Variants in ULK4 observed in about 807,000 individuals in gnomAD.
ULK4 encodes unc-51 like kinase 4.
A neutral mutation model predicts 160.6 loss-of-function variants in ULK4; 133 were observed. The ratio of observed to expected loss-of-function variants is 0.83; its 90% CI spans 0.72 to 0.96. The LOEUF (loss-of-function observed/expected upper bound fraction) is 0.96, where lower values mean the gene tolerates loss of function less well. Ranked by LOEUF, ULK4 falls within the 40% of genes least tolerant of loss-of-function variation. The probability of loss-of-function intolerance (pLI) is 0.00; values close to 1 mark genes in which losing one functional copy is unlikely to be tolerated. For missense variants in ULK4, 1,580 were observed against 1,499.5 expected (o/e 1.05, Z -0.89); for synonymous variants, 534 against 539.8 (o/e 0.99, Z 0.15).
chr3:41,641,621 A>G (rs1042850581), intron 30 of ULK4, among the ~76,000 whole-genome samples: 1 of 152,178 alleles, frequency 6.6e-6, no homozygotes, highest in South Asian at 2.1e-4. Flanking sequence ...CTGGCCCTAA[A>G]GCCTGGAAGA....
intron 32 of ULK4, among the ~76,000 whole-genome samples, chr3:41,555,319 C>CA (rs35693207): frequency 0.5 from 69,995 of 140,258 alleles, 16,739 homozygotes; most frequent in Admixed American, 0.56. Context: ...AACAAATGTA[C>CA]AAAAAAAAAA....
At chr3:41,807,439 C>T (rs1405435301) in intron 19 of ULK4, among the ~76,000 whole-genome samples, 2 of 152,018 alleles carry the variant, frequency 1.3e-5, no homozygotes, top group Admixed American at 6.6e-5. Context: ...CATATAAAAA[C>T]GTTTACAAAT....
At chr3:41,674,111 C>G (rs1468475201) in intron 29 of ULK4, among the ~76,000 whole-genome samples, 1 of 152,178 alleles carries the variant, frequency 6.6e-6, no homozygotes, top group Non-Finnish European at 1.5e-5. Flanking sequence ...AGTACTAATA[C>G]AAATTATATT....
chr3:41,392,635 C>T (rs1257248105), intron 35 of ULK4, among the ~76,000 whole-genome samples: 1 of 152,128 alleles, frequency 6.6e-6, no homozygotes, highest in African/African-American at 2.4e-5. Context: ...CAGGAGGCTA[C>T]TCTTCCCATC....
chr3:41,354,218 G>A (rs960300036), intron 35 of ULK4, among the ~76,000 whole-genome samples: 6 of 152,136 alleles, frequency 3.9e-5, no homozygotes, highest in African/African-American at 1.4e-4. Flanking sequence ...GTTCATTGTT[G>A]ACCACTCTGT....
chr3:41,381,419 C>T (rs76052068), intron 35 of ULK4, among the ~76,000 whole-genome samples: 2 of 152,292 alleles, frequency 1.3e-5, no homozygotes, highest in East Asian at 3.9e-4. Flanking sequence ...GCTAGCTTGC[C>T]ATTTCCAGAT....
intron 26 of ULK4, 22 bp downstream of exon 26, chr3:41,705,232 A>G (rs2036832883): frequency 3.7e-6 from 6 of 1,613,408 alleles, no homozygotes; most frequent in Non-Finnish European, 5.1e-6. Flanking sequence ...CAAAGACACA[A>G]AATGTTCCAG....
chr3:41,506,427 T>G (rs976545395), intron 32 of ULK4, among the ~76,000 whole-genome samples: 1 of 152,160 alleles, frequency 6.6e-6, no homozygotes. Flanking sequence ...GGAGGAAGAA[T>G]AGCAGAAGTT....
At chr3:41,502,442 C>T (rs918144671) in intron 32 of ULK4, among the ~76,000 whole-genome samples, 1 of 152,174 alleles carries the variant, frequency 6.6e-6, no homozygotes, top group Non-Finnish European at 1.5e-5. Flanking sequence ...AGCAATCTCA[C>T]CTCTAGGTAT....
chr3:41,845,544 T>A (rs2042051058), intron 17 of ULK4, among the ~76,000 whole-genome samples: 1 of 152,068 alleles, frequency 6.6e-6, no homozygotes, highest in African/African-American at 2.4e-5. Context: ...GGTAAGAGGA[T>A]AGGGTCATAA....
At chr3:41,511,208 C>G (rs2085565758) in intron 32 of ULK4, among the ~76,000 whole-genome samples, 1 of 150,340 alleles carries the variant, frequency 6.7e-6, no homozygotes, top group African/African-American at 2.4e-5. Context: ...CAAACAGACG[C>G]TCTAAGGTCA....
intron 35 of ULK4, among the ~76,000 whole-genome samples, chr3:41,311,716 G>A (rs542439964): frequency 2.8e-4 from 42 of 151,382 alleles, no homozygotes; most frequent in Admixed American, 9.2e-4. Flanking sequence ...CTACAGGCAC[G>A]TGCCACTAGG....
intron 31 of ULK4, among the ~76,000 whole-genome samples, chr3:41,583,585 C>T (rs1455255901): frequency 6.6e-6 from 1 of 152,196 alleles, no homozygotes; most frequent in African/African-American, 2.4e-5. Context: ...TCCTTCTATA[C>T]CAGCCTCTCA....
chr3:41,851,698 C>G (rs1294543623), intron 17 of ULK4, among the ~76,000 whole-genome samples: 1 of 151,946 alleles, frequency 6.6e-6, no homozygotes, highest in Admixed American at 6.6e-5. Flanking sequence ...CTGAAACCAA[C>G]GAGAACAAAG....
At chr3:41,682,134 C>G (rs1475116710) in intron 27 of ULK4, among the ~76,000 whole-genome samples, 1 of 152,062 alleles carries the variant, frequency 6.6e-6, no homozygotes, top group East Asian at 1.9e-4. Context: ...TATGTATAAG[C>G]TGGTGATCAT....
At chr3:41,545,468 CT>C (rs1419045451) in intron 32 of ULK4, among the ~76,000 whole-genome samples, 1 of 152,118 alleles carries the variant, frequency 6.6e-6, no homozygotes, top group African/African-American at 2.4e-5. Context: ...CTTCTCTGGC[CT>C]CCATTATTTC....
intron 21 of ULK4, among the ~76,000 whole-genome samples, chr3:41,768,165 A>C (rs1430409772): frequency 6.6e-6 from 1 of 152,132 alleles, no homozygotes; most frequent in African/African-American, 2.4e-5. Context: ...GTTTCATCCC[A>C]AAACCACCTC....
At chr3:41,707,814 C>T (rs1434719323) in intron 25 of ULK4, among the ~76,000 whole-genome samples, 2 of 149,776 alleles carry the variant, frequency 1.3e-5, no homozygotes, top group Non-Finnish European at 3.0e-5. Context: ...GGTGACAGGG[C>T]AAGACCTTGT....
intron 17 of ULK4, among the ~76,000 whole-genome samples, chr3:41,866,223 CT>C (rs1315708167): frequency 1.8e-4 from 28 of 152,206 alleles, no homozygotes; most frequent in African/African-American, 6.5e-4. Flanking sequence ...ATCGTAAGAC[CT>C]CCACTATGCT....
Sources: allele counts gnomAD v4.1 joint callset (sites outside exome capture counted in the v4.1 genomes callset), GRCh38; gene constraint gnomAD v4.1.1; transcripts MANE v1.5; gene names NCBI Gene and HGNC (gene_info 2026-07-23, HGNC 2026-07-21).